The following WSCD2 variants were observed in gnomAD, a reference collection of about 807,000 sequenced individuals.
The protein encoded by WSCD2 is WSC domain sialate O sulfotransferase 2, also known as sialate:O-sulfotransferase 2.
A neutral mutation model predicts 55.7 loss-of-function variants in WSCD2; 28 were observed. That is an observed-to-expected ratio of 0.50 (90% CI 0.37 to 0.69). WSCD2 has a LOEUF of 0.69. Among genes scored for constraint, WSCD2 ranks in the 30% least tolerant of loss-of-function variants. The pLI, the probability that WSCD2 is intolerant of heterozygous loss-of-function variation, is 0.00. For synonymous variants in WSCD2, 301 were observed against 301.9 expected, an observed-to-expected ratio of 1.00 and a Z score of 0.03; for missense variants, 616 against 762.1, an observed-to-expected ratio of 0.81 and a Z score of 2.26.
intron 1 of WSCD2, among the ~76,000 whole-genome samples, chr12:108,152,584 A>T (rs1045526229): frequency 3.9e-5 from 6 of 152,188 alleles, no homozygotes; most frequent in Admixed American, 2.0e-4. Flanking sequence ...CTGCTCTGGG[A>T]TAAAGATGAG....
At chr12:108,202,492 G>T (rs1884821220) in intron 2 of WSCD2, among the ~76,000 whole-genome samples, 1 of 152,158 alleles carries the variant, frequency 6.6e-6, no homozygotes, top group Admixed American at 6.5e-5. Context: ...TGAGGAAGGG[G>T]ACAGAGCACC....
intron 4 of WSCD2, among the ~76,000 whole-genome samples, chr12:108,217,386 A>G (rs1886966766): frequency 6.6e-6 from 1 of 152,176 alleles, no homozygotes; most frequent in Non-Finnish European, 1.5e-5. Context: ...AGAGCCTCTC[A>G]CCCACTGAAG....
chr12:108,225,380 C>T (rs1354596853), intron 5 of WSCD2, among the ~76,000 whole-genome samples: 1 of 152,184 alleles, frequency 6.6e-6, no homozygotes, highest in East Asian at 1.9e-4. Context: ...CCCCATGATT[C>T]AGTTACCTCC....
chr12:108,152,573 C>T (rs1318879443), intron 1 of WSCD2, among the ~76,000 whole-genome samples: 1 of 152,150 alleles, frequency 6.6e-6, no homozygotes, highest in East Asian at 1.9e-4. Context: ...GGTGGCAGAG[C>T]CTGCTCTGGG....
intron 1 of WSCD2, among the ~76,000 whole-genome samples, chr12:108,179,257 C>T (rs550462881): frequency 3.1e-5 from 3 of 96,380 alleles, no homozygotes; most frequent in African/African-American, 7.5e-5. Context: ...GAACTTTCAG[C>T]GGGGGAGGGG....
chr12:108,131,469 C>T (rs951322990), intron 1 of WSCD2, among the ~76,000 whole-genome samples: 1 of 152,210 alleles, frequency 6.6e-6, no homozygotes, highest in Non-Finnish European at 1.5e-5. Context: ...CGCTTCGGCT[C>T]CTCCACTGTA....
chr12:108,183,641 G>A (rs949486804), intron 1 of WSCD2, among the ~76,000 whole-genome samples: 11 of 152,202 alleles, frequency 7.2e-5, no homozygotes, highest in Non-Finnish European at 1.5e-4. Flanking sequence ...CCTTCTGAGC[G>A]GGCTCTGAGC....
chr12:108,156,828 C>A (rs1445376840), intron 1 of WSCD2, among the ~76,000 whole-genome samples: 2 of 152,228 alleles, frequency 1.3e-5, no homozygotes, highest in Non-Finnish European at 2.9e-5. Flanking sequence ...AACTAGCCAT[C>A]CAGCATGTTT....
intron 1 of WSCD2, chr12:108,131,721 C>G (rs1387174793): frequency 6.6e-6 from 1 of 152,360 alleles, no homozygotes; most frequent in Non-Finnish European, 1.5e-5. Context: ...CTCCAATCAC[C>G]TGACACTGCA....
At chr12:108,134,327 T>C (rs1238564743) in intron 1 of WSCD2, among the ~76,000 whole-genome samples, 1 of 152,174 alleles carries the variant, frequency 6.6e-6, no homozygotes, top group Non-Finnish European at 1.5e-5. Flanking sequence ...CCCCCTCCCT[T>C]TGGGGTTCGG....
intron 1 of WSCD2, among the ~76,000 whole-genome samples, chr12:108,175,973 G>A (rs1039401131): frequency 1.3e-5 from 2 of 152,004 alleles, no homozygotes; most frequent in Admixed American, 6.5e-5. Flanking sequence ...CCAAGTAGCT[G>A]GGACTACAGG....
chr12:108,137,201 A>AT (rs1876318871), intron 1 of WSCD2, among the ~76,000 whole-genome samples: 1 of 152,224 alleles, frequency 6.6e-6, no homozygotes, highest in Non-Finnish European at 1.5e-5. Flanking sequence ...GAAAAGCTAG[A>AT]ATCTCTGGAA....
chr12:108,220,023 C>G (rs10778616), intron 4 of WSCD2, among the ~76,000 whole-genome samples: 1 of 151,982 alleles, frequency 6.6e-6, no homozygotes, highest in Non-Finnish European at 1.5e-5. Flanking sequence ...AGAGTGGACA[C>G]GAAGGGTGGG....
At chr12:108,174,290 C>A (rs1880561598) in intron 1 of WSCD2, among the ~76,000 whole-genome samples, 1 of 152,178 alleles carries the variant, frequency 6.6e-6, no homozygotes, top group Non-Finnish European at 1.5e-5. Context: ...GCTGAAGCTG[C>A]CTTACATAGA....
At chr12:108,140,834 C>A (rs1431394552) in intron 1 of WSCD2, among the ~76,000 whole-genome samples, 3 of 152,220 alleles carry the variant, frequency 2.0e-5, no homozygotes, top group Non-Finnish European at 4.4e-5. Flanking sequence ...TCCCAGGGAG[C>A]AGCCGGCCAG....
chr12:108,234,139 AAAAAT>A, intron 7 of WSCD2, among the ~76,000 whole-genome samples: 3 of 152,370 alleles, frequency 2.0e-5, no homozygotes, highest in Middle Eastern at 6.8e-3. Context: ...CTGATGAGCT[AAAAAT>A]AAAATAAAAA....
At chr12:108,196,589 CAT>C (rs1883957267) in intron 2 of WSCD2, among the ~76,000 whole-genome samples, 1 of 152,174 alleles carries the variant, frequency 6.6e-6, no homozygotes, top group African/African-American at 2.4e-5. Context: ...AAGCACTTTA[CAT>C]ATATAGAAAC....
At chr12:108,135,826 A>G (rs1771711112) in intron 1 of WSCD2, among the ~76,000 whole-genome samples, 1 of 149,854 alleles carries the variant, frequency 6.7e-6, no homozygotes, top group South Asian at 2.2e-4. Flanking sequence ...TGTTTTTGTA[A>G]ATAAAGTTTT....
At chr12:108,246,535 TC>T (rs981497505) in intron 8 of WSCD2, among the ~76,000 whole-genome samples, 2 of 152,286 alleles carry the variant, frequency 1.3e-5, no homozygotes, top group Admixed American at 6.5e-5. Context: ...TTCTGCACTT[TC>T]CCCAGCTCCT....
Sources: allele counts gnomAD v4.1 joint callset (sites outside exome capture counted in the v4.1 genomes callset), GRCh38; gene constraint gnomAD v4.1.1; transcripts MANE v1.5; gene names NCBI Gene and HGNC (gene_info 2026-07-23, HGNC 2026-07-21).